Variants in MDGA2 observed in about 807,000 individuals in gnomAD.
MDGA2 encodes MAM domain containing glycosylphosphatidylinositol anchor 2.
In MDGA2, 40 loss-of-function variants were observed where a neutral mutation model predicts 117.8. The observed-to-expected ratio is 0.34, with a 90% CI of 0.26 to 0.44. The LOEUF (loss-of-function observed/expected upper bound fraction) is 0.44, where lower values mean the gene tolerates loss of function less well. Among genes scored for constraint, MDGA2 ranks in the 20% least tolerant of loss-of-function variants. The pLI is 1.00. For missense variants in MDGA2, 1,123 were observed against 1,250.6 expected (o/e 0.90, Z 1.54); for synonymous variants, 452 against 439.0 (o/e 1.03, Z -0.37).
chr14:47,413,055 C>G (rs1009826046), intron 1 of MDGA2, among the ~76,000 whole-genome samples: 1 of 152,076 alleles, frequency 6.6e-6, no homozygotes, highest in Admixed American at 6.6e-5. Flanking sequence ...ATATTGCTAA[C>G]CCTTTTAATT....
intron 7 of MDGA2, among the ~76,000 whole-genome samples, chr14:47,036,249 G>A (rs532985325): frequency 5.1e-5 from 6 of 118,766 alleles, no homozygotes; most frequent in South Asian, 2.7e-4. Flanking sequence ...CAGCCTGGGC[G>A]ACAGAGCCAG....
At chr14:47,112,712 ATATCTT>A (rs1566631543) in intron 5 of MDGA2, among the ~76,000 whole-genome samples, 1 of 152,082 alleles carries the variant, frequency 6.6e-6, no homozygotes, top group African/African-American at 2.4e-5. Context: ...ATGTGTGCAT[ATATCTT>A]TATAATAGAA....
At chr14:46,947,774 G>A (rs190260099) in intron 9 of MDGA2, among the ~76,000 whole-genome samples, 2 of 151,640 alleles carry the variant, frequency 1.3e-5, no homozygotes, top group African/African-American at 2.4e-5. Flanking sequence ...TCTTAGTCTC[G>A]AGTGTGTCTT....
intron 1 of MDGA2, among the ~76,000 whole-genome samples, chr14:47,614,197 C>T (rs1357977551): frequency 7.0e-6 from 1 of 143,604 alleles, no homozygotes; most frequent in Non-Finnish European, 1.5e-5. Context: ...TCAGATGGTT[C>T]TCTTGCCTCA....
At chr14:47,549,989 AG>A (rs1895549802) in intron 1 of MDGA2, among the ~76,000 whole-genome samples, 1 of 152,346 alleles carries the variant, frequency 6.6e-6, no homozygotes, top group Admixed American at 6.5e-5. Context: ...TGACAAACAC[AG>A]CTACTATCCC....
chr14:47,560,034 C>G (rs546227998), intron 1 of MDGA2, among the ~76,000 whole-genome samples: 1 of 152,012 alleles, frequency 6.6e-6, no homozygotes, highest in East Asian at 1.9e-4. Flanking sequence ...TAAGTGTTCC[C>G]TTTTCTCTGC....
chr14:46,866,835 C>T (rs549258598), intron 14 of MDGA2, among the ~76,000 whole-genome samples: 2 of 152,280 alleles, frequency 1.3e-5, no homozygotes, highest in South Asian at 2.1e-4. Context: ...ATCAAAACCA[C>T]AATCAGATAC....
intron 1 of MDGA2, among the ~76,000 whole-genome samples, chr14:47,588,035 T>A (rs1019879136): frequency 1.3e-5 from 2 of 151,744 alleles, no homozygotes; most frequent in Non-Finnish European, 2.9e-5. Context: ...TCATCCATAT[T>A]GTGGCATATA....
chr14:47,254,142 G>T (rs1395108193), intron 2 of MDGA2, among the ~76,000 whole-genome samples: 1 of 152,154 alleles, frequency 6.6e-6, no homozygotes, highest in African/African-American at 2.4e-5. Flanking sequence ...GATGGGAGAG[G>T]CTGCCATGAA....
chr14:47,056,072 T>A (rs1475827566), intron 7 of MDGA2, among the ~76,000 whole-genome samples: 1 of 152,172 alleles, frequency 6.6e-6, no homozygotes, highest in Admixed American at 6.6e-5. Flanking sequence ...GATAGTCTTA[T>A]GACTTCTACT....
At chr14:47,309,063 T>A (rs1178232516) in intron 1 of MDGA2, among the ~76,000 whole-genome samples, 1 of 152,126 alleles carries the variant, frequency 6.6e-6, no homozygotes, top group Non-Finnish European at 1.5e-5. Context: ...TAAACACATA[T>A]CCAAACATGC....
intron 7 of MDGA2, among the ~76,000 whole-genome samples, chr14:47,049,759 G>A (rs1889390150): frequency 6.6e-6 from 1 of 152,070 alleles, no homozygotes; most frequent in South Asian, 2.1e-4. Context: ...AAGTGCAGTG[G>A]CAGTCTTCTC....
intron 8 of MDGA2, among the ~76,000 whole-genome samples, chr14:46,972,386 G>T (rs894832917): frequency 6.6e-6 from 1 of 152,094 alleles, no homozygotes; most frequent in African/African-American, 2.4e-5. Flanking sequence ...AAAAGATATT[G>T]AGCCATTTGT....
rs779837911 is a variant in MDGA2, at chr14:47,526,646, T to C, written c.280+147871A>G. 1.3e-4 allele frequency among the ~76,000 whole-genome samples: 20 copies of C among 152,102 alleles called. 1 individual carries two copies. The highest frequency in any genetic ancestry group is 2.1e-4 in the South Asian group (1 of 4,816). Reference sequence around the variant, plus strand: ...ACCCTACACTTGTGTAGTGTAAGAATTGGCAAATGCCTTCAGAGGAAATCA... The same window carrying C: ...ACCCTACACTTGTGTAGTGTAAGAACTGGCAAATGCCTTCAGAGGAAATCA... On this transcript the variant is annotated intron_variant, in intron 1 of 16. Transcript: ENST00000399232.
At chr14:47,460,292 C>G (rs2138589995) in intron 1 of MDGA2, among the ~76,000 whole-genome samples, 1 of 152,020 alleles carries the variant, frequency 6.6e-6, no homozygotes, top group African/African-American at 2.4e-5. Context: ...TGCCTGTAAA[C>G]ATGGATACAC....
At chr14:47,510,504 G>A (rs1894616711) in intron 1 of MDGA2, among the ~76,000 whole-genome samples, 1 of 152,104 alleles carries the variant, frequency 6.6e-6, no homozygotes, top group Non-Finnish European at 1.5e-5. Context: ...ATTAGCTTGA[G>A]AGTTCTGCCT....
chr14:47,483,054 A>T (rs970782720), intron 1 of MDGA2, among the ~76,000 whole-genome samples: 2 of 152,152 alleles, frequency 1.3e-5, no homozygotes, highest in Non-Finnish European at 2.9e-5. Context: ...ATTTTATGAC[A>T]TACTTTCAAG....
chr14:47,511,768 G>C (rs1594893845), intron 1 of MDGA2, among the ~76,000 whole-genome samples: 1 of 152,220 alleles, frequency 6.6e-6, no homozygotes. Flanking sequence ...TTTTAAACTA[G>C]AAATATCAAT....
At chr14:47,397,885 T>C (rs1892048930) in intron 1 of MDGA2, among the ~76,000 whole-genome samples, 1 of 152,144 alleles carries the variant, frequency 6.6e-6, no homozygotes, top group Non-Finnish European at 1.5e-5. Context: ...ATCAAGTGCA[T>C]TTGCCTCACC....
Sources: allele counts gnomAD v4.1 joint callset (sites outside exome capture counted in the v4.1 genomes callset), GRCh38; gene constraint gnomAD v4.1.1; transcripts MANE v1.5; gene names NCBI Gene and HGNC (gene_info 2026-07-23, HGNC 2026-07-21).